UNC13C: variants seen among roughly 807,000 people sequenced by gnomAD.
UNC13C encodes protein unc-13 homolog C.
In UNC13C, 174 loss-of-function variants were observed where a neutral mutation model predicts 245.4. The ratio of observed to expected loss-of-function variants is 0.71; its 90% CI spans 0.63 to 0.80. UNC13C has a LOEUF of 0.80. Among genes scored for constraint, UNC13C ranks in the 30% least tolerant of loss-of-function variants. The pLI is 0.00. For synonymous variants in UNC13C, 992 were observed against 895.1 expected (o/e 1.11, Z -1.93); for missense variants, 2,829 against 2,602.9 (o/e 1.09, Z -1.89).
At chr15:53,914,830 A>G in the UNC13C span, 1 of 152,114 alleles carries the variant, frequency 6.6e-6, no homozygotes, top group African/African-American at 2.4e-5. Flanking sequence ...GAGATATGTG[A>G]TAACTGTTTT....
chr15:54,206,224 G>T (rs1440058606), intron 4 of UNC13C, among the ~76,000 whole-genome samples: 1 of 151,888 alleles, frequency 6.6e-6, no homozygotes, highest in Admixed American at 6.6e-5. Context: ...TCCTGTAACA[G>T]TTTCTCTCCC....
the UNC13C span, among the ~76,000 whole-genome samples, chr15:53,877,583 G>C: frequency 6.6e-6 from 1 of 152,228 alleles, no homozygotes; most frequent in East Asian, 1.9e-4. Context: ...GAGAGAGAGA[G>C]AGAGAAGGAG....
chr15:54,365,363 G>A lies in UNC13C; in HGVS notation c.4713+26874G>A, dbSNP rs1596287973. 3.3e-5 allele frequency among the ~76,000 whole-genome samples: 5 copies of A among 152,078 alleles called. No homozygotes were observed. In the South Asian group the frequency reaches 8.3e-4, roughly 25 times the overall value. ...ATTGCACAAGGTCCCTGAATTTAAAGTAGTTTTCCTCTTTTTTAAAAACCA... is the reference window on the plus strand; with the variant it reads ...ATTGCACAAGGTCCCTGAATTTAAAATAGTTTTCCTCTTTTTTAAAAACCA... On this transcript the variant is annotated intron_variant, in intron 17 of 32. Transcript: ENST00000260323.
At chr15:54,104,009 CT>C (rs1287934033) in intron 2 of UNC13C, among the ~76,000 whole-genome samples, 19 of 152,360 alleles carry the variant, frequency 1.2e-4, no homozygotes, top group South Asian at 8.3e-4. Context: ...TCCCAAAGTG[CT>C]GGGATTACAG....
intron 2 of UNC13C, among the ~76,000 whole-genome samples, chr15:54,088,090 CTTAAAATTCCTA>C (rs1183578227): frequency 6.6e-6 from 1 of 151,536 alleles, no homozygotes; most frequent in African/African-American, 2.4e-5. Flanking sequence ...TTTAAAATGC[CTTAAAATTCCTA>C]TTAAAATTGC....
chr15:54,371,174 A>C (rs1308417526), intron 17 of UNC13C, among the ~76,000 whole-genome samples: 1 of 152,100 alleles, frequency 6.6e-6, no homozygotes, highest in African/African-American at 2.4e-5. Context: ...CCCATCACCC[A>C]AACTCCTACC....
At chr15:54,332,587 C>A (rs1361315715) in intron 15 of UNC13C, among the ~76,000 whole-genome samples, 1 of 151,932 alleles carries the variant, frequency 6.6e-6, no homozygotes, top group East Asian at 1.9e-4. Context: ...GCCCAGAATT[C>A]ATTGTCAACA....
chr15:54,010,440 T>C (rs1332565019), intron 1 of UNC13C, among the ~76,000 whole-genome samples: 2 of 152,026 alleles, frequency 1.3e-5, no homozygotes, highest in Non-Finnish European at 2.9e-5. Flanking sequence ...CTCAAATATA[T>C]AGATATTCTA....
the UNC13C span, among the ~76,000 whole-genome samples, chr15:53,890,445 G>C: frequency 6.6e-6 from 1 of 152,122 alleles, no homozygotes; most frequent in Admixed American, 6.6e-5. Context: ...CCAGCTACCA[G>C]TTCCTCTTTG....
At chr15:54,341,143 G>A (rs757894742) in intron 17 of UNC13C, among the ~76,000 whole-genome samples, 1 of 152,146 alleles carries the variant, frequency 6.6e-6, no homozygotes, top group Non-Finnish European at 1.5e-5. Flanking sequence ...CTACTAAAAA[G>A]ATAAATGCAC....
chr15:54,153,927 A>C (rs1378490212), intron 4 of UNC13C, among the ~76,000 whole-genome samples: 2 of 152,066 alleles, frequency 1.3e-5, no homozygotes, highest in African/African-American at 4.8e-5. Context: ...GGTATATAAT[A>C]GAGGTACATA....
chr15:54,035,428 T>C (rs917526142), intron 2 of UNC13C, among the ~76,000 whole-genome samples: 6 of 152,312 alleles, frequency 3.9e-5, no homozygotes, highest in East Asian at 3.9e-4. Flanking sequence ...GCTCCAGTGA[T>C]GGTGATGAGA....
intron 19 of UNC13C, among the ~76,000 whole-genome samples, chr15:54,429,659 T>C (rs916809354): frequency 6.6e-6 from 1 of 151,698 alleles, no homozygotes; most frequent in African/African-American, 2.4e-5. Context: ...TTTTTCCTAA[T>C]TGAATTCTAC....
At chr15:54,145,353 C>T (rs17732718) in intron 4 of UNC13C, among the ~76,000 whole-genome samples, 7,321 of 151,894 alleles carry the variant, frequency 0.048, 312 homozygotes, top group African/African-American at 0.11. Flanking sequence ...TGTAAAGCTC[C>T]TACAAATTAA....
chr15:54,077,624 G>C (rs1898709148), intron 2 of UNC13C, among the ~76,000 whole-genome samples: 1 of 151,650 alleles, frequency 6.6e-6, no homozygotes. Flanking sequence ...GCCCACCTAG[G>C]CCTCCCAAAG....
the UNC13C span, among the ~76,000 whole-genome samples, chr15:53,958,654 GT>G: frequency 3.9e-5 from 6 of 152,038 alleles, no homozygotes; most frequent in Non-Finnish European, 7.4e-5. Flanking sequence ...TGTCTTATTT[GT>G]TTTTTAAAAG....
chr15:54,061,839 G>A (rs1897851051), intron 2 of UNC13C, among the ~76,000 whole-genome samples: 1 of 152,266 alleles, frequency 6.6e-6, no homozygotes, highest in East Asian at 1.9e-4. Flanking sequence ...AAACCAGAAA[G>A]AGACTTTCTT....
chr15:54,416,163 G>A (rs1289973993), intron 19 of UNC13C, among the ~76,000 whole-genome samples: 1 of 152,126 alleles, frequency 6.6e-6, no homozygotes, highest in Non-Finnish European at 1.5e-5. Flanking sequence ...GAGAAACAAA[G>A]TCCCATAAAG....
intron 4 of UNC13C, among the ~76,000 whole-genome samples, chr15:54,154,404 C>T (rs2032653378): frequency 6.6e-6 from 1 of 151,850 alleles, no homozygotes; most frequent in South Asian, 2.1e-4. Flanking sequence ...TGACATATAC[C>T]TGGGAAAATA....
Sources: allele counts gnomAD v4.1 joint callset (sites outside exome capture counted in the v4.1 genomes callset), GRCh38; gene constraint gnomAD v4.1.1; transcripts MANE v1.5; gene names NCBI Gene and HGNC (gene_info 2026-07-23, HGNC 2026-07-21).